HDAC9: variants seen among roughly 807,000 people sequenced by gnomAD.
HDAC9 encodes histone deacetylase 9, also known as MEF-2 interacting transcription repressor (MITR) protein.
Under a neutral mutation model 139.4 loss-of-function variants are expected in HDAC9, and 41 were observed. The observed-to-expected ratio is 0.29, with a 90% CI of 0.23 to 0.38. HDAC9 has a LOEUF of 0.38. Among genes scored for constraint, HDAC9 ranks in the 10% least tolerant of loss-of-function variants. HDAC9 has a pLI of 1.00. For missense variants in HDAC9, 1,147 were observed against 1,297.0 expected, an observed-to-expected ratio of 0.88 and a Z score of 1.78; for synonymous variants, 517 against 476.2, an observed-to-expected ratio of 1.09 and a Z score of -1.12.
At chr7:18,502,845 T>G (rs1798745648) in intron 2 of HDAC9, among the ~76,000 whole-genome samples, 1 of 152,144 alleles carries the variant, frequency 6.6e-6, no homozygotes, top group Non-Finnish European at 1.5e-5. Flanking sequence ...CAAGCATTTA[T>G]TATAAACGTG....
intron 22 of HDAC9, among the ~76,000 whole-genome samples, chr7:18,875,859 G>C (rs1260846227): frequency 6.6e-6 from 1 of 152,068 alleles, no homozygotes. Context: ...AATAAACAAA[G>C]ACAAAGAGAG....
chr7:18,250,072 C>T (rs1794821763), intron 2 of HDAC9, among the ~76,000 whole-genome samples: 1 of 152,094 alleles, frequency 6.6e-6, no homozygotes, highest in Non-Finnish European at 1.5e-5. Context: ...ACAATGGGAT[C>T]AGTGGTGGAC....
At chr7:18,158,637 A>G (rs1198311623) in intron 1 of HDAC9, among the ~76,000 whole-genome samples, 4 of 152,242 alleles carry the variant, frequency 2.6e-5, no homozygotes, top group East Asian at 1.9e-4. Context: ...CTGATTCGGT[A>G]TAACCCAAAG....
chr7:18,380,810 G>A (rs966063526), intron 1 of HDAC9, among the ~76,000 whole-genome samples: 1 of 152,008 alleles, frequency 6.6e-6, no homozygotes, highest in African/African-American at 2.4e-5. Flanking sequence ...GAAGTTCTGG[G>A]GCTCCCCAAA....
At chr7:18,981,408 G>A (rs1398804129) in intron 25 of HDAC9, among the ~76,000 whole-genome samples, 1 of 152,190 alleles carries the variant, frequency 6.6e-6, no homozygotes, top group Non-Finnish European at 1.5e-5. Flanking sequence ...AGCAGCAGTA[G>A]AATACTGCAA....
At chr7:18,123,243 G>T (rs748117423) in intron 1 of HDAC9, among the ~76,000 whole-genome samples, 1 of 152,122 alleles carries the variant, frequency 6.6e-6, no homozygotes, top group Non-Finnish European at 1.5e-5. Flanking sequence ...ATCTAAAATG[G>T]TAAAGGAACA....
chr7:18,380,660 T>G (rs1238727490), intron 1 of HDAC9, among the ~76,000 whole-genome samples: 1 of 152,206 alleles, frequency 6.6e-6, no homozygotes, highest in Non-Finnish European at 1.5e-5. Flanking sequence ...GGCCAAATAC[T>G]TGCAAAATTG....
rs144244670 is a variant in HDAC9 at position 18,603,952 on chromosome 7, A to G, written c.664+9923A>G. Among the ~76,000 whole-genome samples the G allele has an allele frequency of 4.7e-4, 71 of 152,066 alleles. No individual in the cohort carries two copies. The East Asian group carries it at 0.012, about 26-fold the overall frequency. On this transcript the variant is annotated intron_variant, in intron 6 of 25. Coordinates refer to ENST00000686413, the MANE Select transcript of HDAC9 (RefSeq NM_178425.4). ...CATTTTGTACTATACTTTCTTTTTT[A>G]TTCTACAGCTTATGACAGGACATCT...
chr7:18,793,302 G>A (rs753190838), intron 16 of HDAC9, 43 bp from the exon 17 acceptor site: 30 of 1,342,866 alleles, frequency 2.2e-5, no homozygotes, highest in African/African-American at 1.3e-4. Context: ...CTTCTCTTTC[G>A]CTTTCTTCTT....
intron 1 of HDAC9, among the ~76,000 whole-genome samples, chr7:18,355,811 C>T (rs972121544): frequency 6.6e-6 from 1 of 152,220 alleles, no homozygotes; most frequent in Middle Eastern, 3.4e-3. Flanking sequence ...ATTGCCTTGT[C>T]ATGTTATGAA....
chr7:18,511,974 A>G (rs1801655000), intron 2 of HDAC9, among the ~76,000 whole-genome samples: 1 of 151,918 alleles, frequency 6.6e-6, no homozygotes, highest in African/African-American at 2.4e-5. Context: ...GTTAAAGGAA[A>G]AAAGTCTATC....
chr7:18,648,410 A>ATGTGTG lies in HDAC9; in HGVS notation c.1250-38_1250-33dup, dbSNP rs145105320. On this transcript the variant is annotated intron_variant, in intron 10 of 25. Transcript: ENST00000686413. The stretch of plus-strand genomic sequence containing the variant: ...TTTTCTTAAAATTGTGTGTGTGTGT[A>ATGTGTG]TGTGTGTGTGTGTGTGTGTGTGTAT... 6.5e-3 allele frequency: 6,837 copies of ATGTGTG among 1,056,274 alleles called. 20 individuals are homozygous for ATGTGTG. Among genetic ancestry groups the ATGTGTG allele is most frequent in the East Asian group, 0.05 (1,989 of 39,704 alleles). 65.4% of individuals were successfully genotyped at this position (1,056,274 alleles called of 1,614,324 possible). A position where few individuals can be genotyped will look rare whatever the true frequency, so the allele number is the denominator to read the frequency against.
chr7:18,646,370 TACC>T (rs1787418352), intron 9 of HDAC9, among the ~76,000 whole-genome samples: 1 of 152,198 alleles, frequency 6.6e-6, no homozygotes, highest in South Asian at 2.1e-4. Flanking sequence ...TACGATTTGG[TACC>T]ATTGGATGAA....
chr7:18,374,060 G>A (rs115627124), intron 1 of HDAC9, among the ~76,000 whole-genome samples: 1,519 of 151,382 alleles, frequency 0.01, 26 homozygotes, highest in African/African-American at 0.035. Flanking sequence ...GTTCCCTCTC[G>A]GATGTGTTTC....
At chr7:18,867,834 A>G (rs1048145817) in intron 21 of HDAC9, among the ~76,000 whole-genome samples, 1 of 152,050 alleles carries the variant, frequency 6.6e-6, no homozygotes, top group Non-Finnish European at 1.5e-5. Flanking sequence ...TCTGTGTCTT[A>G]TATTTTCCCA....
At chr7:18,271,365 C>G (rs1796337035) in intron 2 of HDAC9, among the ~76,000 whole-genome samples, 1 of 152,152 alleles carries the variant, frequency 6.6e-6, no homozygotes, top group African/African-American at 2.4e-5. Context: ...CCTAAGCACA[C>G]ATTAGATACA....
At chr7:18,770,861 A>G (rs1195734832) in intron 16 of HDAC9, among the ~76,000 whole-genome samples, 2 of 152,176 alleles carry the variant, frequency 1.3e-5, no homozygotes, top group African/African-American at 4.8e-5. Context: ...ACAGGACCAG[A>G]TCAGTGAGAA....
At chr7:18,520,925 A>G (rs1280075779) in intron 2 of HDAC9, among the ~76,000 whole-genome samples, 2 of 152,204 alleles carry the variant, frequency 1.3e-5, no homozygotes, top group Non-Finnish European at 2.9e-5. Flanking sequence ...TTCTGATTAC[A>G]TAGAAAGTGA....
chr7:18,093,832 C>G (rs116917953), intron 1 of HDAC9, among the ~76,000 whole-genome samples: 1 of 152,118 alleles, frequency 6.6e-6, no homozygotes, highest in Non-Finnish European at 1.5e-5. Flanking sequence ...CCTCTGAAAT[C>G]TATTCATAGA....
Sources: allele counts gnomAD v4.1 joint callset (sites outside exome capture counted in the v4.1 genomes callset), GRCh38; gene constraint gnomAD v4.1.1; transcripts MANE v1.5; gene names NCBI Gene and HGNC (gene_info 2026-07-23, HGNC 2026-07-21).